The following HMCN1 variants were observed in gnomAD, a reference collection of about 807,000 sequenced individuals.
HMCN1 encodes the protein hemicentin 1, also known as hemicentin-1.
In HMCN1, 321 loss-of-function variants were observed where a neutral mutation model predicts 625.9. That is an observed-to-expected ratio of 0.51 (90% CI 0.47 to 0.56). HMCN1 has a LOEUF of 0.56. HMCN1 is among the 20% of genes least tolerant of loss of function. The pLI, the probability that HMCN1 is intolerant of heterozygous loss-of-function variation, is 0.00. For missense variants in HMCN1, 6,588 were observed against 6,887.3 expected, an observed-to-expected ratio of 0.96 and a Z score of 1.54; for synonymous variants, 2,425 against 2,417.6, an observed-to-expected ratio of 1.00 and a Z score of -0.09.
intron 14 of HMCN1, among the ~76,000 whole-genome samples, chr1:185,966,331 GA>G (rs1180115841): frequency 6.6e-6 from 1 of 152,098 alleles, no homozygotes; most frequent in African/African-American, 2.4e-5. Context: ...TTCAAATAAA[GA>G]TACACATTGA....
intron 105 of HMCN1, among the ~76,000 whole-genome samples, chr1:186,186,012 A>C (rs540292419): frequency 6.6e-6 from 1 of 152,210 alleles, no homozygotes; most frequent in South Asian, 2.1e-4. Context: ...GTTGCAAAGG[A>C]TGTGAATTAT....
chr1:186,161,190 C>G (rs1220978270), intron 97 of HMCN1, among the ~76,000 whole-genome samples: 1 of 149,740 alleles, frequency 6.7e-6, no homozygotes, highest in African/African-American at 2.4e-5. Flanking sequence ...TTCTTTGTCT[C>G]TTTTGATCTT....
chr1:185,893,303 A>G (rs923687020), intron 4 of HMCN1, among the ~76,000 whole-genome samples: 4 of 152,146 alleles, frequency 2.6e-5, no homozygotes, highest in African/African-American at 9.7e-5. Flanking sequence ...TGTAGACTGG[A>G]GCTGTTCCTA....
At chr1:186,182,612 G>A (rs1316000521) in intron 105 of HMCN1, among the ~76,000 whole-genome samples, 2 of 152,136 alleles carry the variant, frequency 1.3e-5, no homozygotes, top group Non-Finnish European at 2.9e-5. Context: ...AAATGGAAGT[G>A]AAAAATGAGA....
chr1:185,780,275 C>T (rs1269803996), intron 1 of HMCN1, among the ~76,000 whole-genome samples: 2 of 152,170 alleles, frequency 1.3e-5, no homozygotes, highest in Non-Finnish European at 2.9e-5. Flanking sequence ...TCTAAATATA[C>T]AATCATGTCA....
intron 1 of HMCN1, among the ~76,000 whole-genome samples, chr1:185,778,850 G>T (rs1306824756): frequency 6.6e-6 from 1 of 152,038 alleles, no homozygotes; most frequent in Non-Finnish European, 1.5e-5. Context: ...TAGTCCTTTG[G>T]GTATATACCC....
chr1:185,735,176 T>A, intron 1 of HMCN1, 129 bp downstream of exon 1: 1 of 1,054,106 alleles, frequency 9.5e-7, no homozygotes, highest in Non-Finnish European at 1.4e-6. Context: ...AAAATAGTTG[T>A]AACAAAGAAT....
Position 185,963,766 on chromosome 1 carries a change from A to G in HMCN1, c.1971-2A>G. Reference sequence around the variant, plus strand: ...TATATTCTTTTTGTTTTTTATTCATAGGTATAGGATGACCTCAGATGGTAC... The same window carrying G: ...TATATTCTTTTTGTTTTTTATTCATGGGTATAGGATGACCTCAGATGGTAC... On this transcript the variant is annotated splice_acceptor_variant, in intron 12 of 106. Transcript: ENST00000271588. LOFTEE classifies it high-confidence loss of function. 1 of 1,592,320 alleles carries G rather than the reference A, an allele frequency of 6.3e-7. No homozygotes were observed. The highest frequency in any genetic ancestry group is 8.6e-7 in the Non-Finnish European group (1 of 1,160,684).
chr1:186,163,612 C>G (rs1030409877), intron 97 of HMCN1, among the ~76,000 whole-genome samples: 1 of 152,154 alleles, frequency 6.6e-6, no homozygotes, highest in African/African-American at 2.4e-5. Flanking sequence ...AATCAGCCAC[C>G]AATTTATATG....
intron 98 of HMCN1, among the ~76,000 whole-genome samples, chr1:186,165,978 C>A (rs1651854074): frequency 6.6e-6 from 1 of 152,192 alleles, no homozygotes; most frequent in Non-Finnish European, 1.5e-5. Flanking sequence ...AGGATATAAT[C>A]TAACCATCTA....
At position 186,039,699 on chromosome 1, in the gene HMCN1, C is replaced by T. The variant is rs112325900; in HGVS notation, c.6029-29C>T. ...GAGATCACAAATCCTGTGATATTAA[C>T]GTGTCTTACTTTCATTTGTTTTTTT... On this transcript the variant is annotated intron_variant, in intron 38 of 106. Coordinates refer to ENST00000271588, the MANE Select transcript of HMCN1 (RefSeq NM_031935.3). 1.2e-4 allele frequency: 188 copies of T among 1,607,940 alleles called. 1 individual carries two copies. Among genetic ancestry groups the T allele is most frequent in the East Asian group, 4.7e-4 (21 of 44,772 alleles).
chr1:186,139,203 A>T (rs967973466), intron 89 of HMCN1, among the ~76,000 whole-genome samples: 3 of 152,220 alleles, frequency 2.0e-5, no homozygotes, highest in Non-Finnish European at 4.4e-5. Context: ...GACAGCTAAT[A>T]AAAAATGAAT....
chr1:185,877,294 T>C, intron 4 of HMCN1, among the ~76,000 whole-genome samples: 1 of 147,948 alleles, frequency 6.8e-6, no homozygotes, highest in South Asian at 2.2e-4. Flanking sequence ...GGATTCTCCA[T>C]TCTATTTCAT....
chr1:185,988,810 G>A (rs1017354216), intron 20 of HMCN1, among the ~76,000 whole-genome samples: 2 of 152,100 alleles, frequency 1.3e-5, no homozygotes, highest in African/African-American at 4.8e-5. Context: ...ACTGCAAAAT[G>A]AGGGTTGTGG....
intron 47 of HMCN1, among the ~76,000 whole-genome samples, 195 bp from the exon 48 acceptor site, chr1:186,062,319 C>T (rs1335141596): frequency 6.6e-6 from 1 of 152,010 alleles, no homozygotes; most frequent in East Asian, 1.9e-4. Flanking sequence ...CAATAAAATT[C>T]ATTATAATTG....
Position 186,067,831 on chromosome 1 carries a change from C to T in HMCN1, c.7706-3C>T. On this transcript the variant is annotated splice_polypyrimidine_tract_variant and splice_region_variant and intron_variant, in intron 49 of 106. Transcript: ENST00000271588. ...TTCTTCAACAAATTTTCATCTTTTTCAGTATCTCCTACAATTGCTGGTGTA... is the reference window on the plus strand; with the variant it reads ...TTCTTCAACAAATTTTCATCTTTTTTAGTATCTCCTACAATTGCTGGTGTA... 6.2e-7 allele frequency: 1 copy of T among 1,603,588 alleles called. No homozygotes were observed. The highest frequency in any genetic ancestry group is 8.5e-7 in the Non-Finnish European group (1 of 1,170,734).
chr1:185,837,005 GGTGTGT>G (rs60299246), intron 1 of HMCN1, among the ~76,000 whole-genome samples: 3 of 142,932 alleles, frequency 2.1e-5, no homozygotes, highest in South Asian at 2.3e-4. Context: ...TATATTCCAT[GGTGTGT>G]GTGTGTGTGT....
intron 1 of HMCN1, among the ~76,000 whole-genome samples, chr1:185,838,585 G>T (rs778236139): frequency 1.3e-5 from 2 of 152,158 alleles, no homozygotes; most frequent in Non-Finnish European, 2.9e-5. Flanking sequence ...GGTGGTGGGA[G>T]GTGGGAACAT....
chr1:185,858,195 A>G (rs1327708484), intron 2 of HMCN1, among the ~76,000 whole-genome samples: 1 of 152,186 alleles, frequency 6.6e-6, no homozygotes, highest in African/African-American at 2.4e-5. Context: ...GTTTGTGACA[A>G]TACTCTCTCA....
Sources: gnomAD v4.1 joint callset for allele counts (sites outside exome capture counted in the v4.1 genomes callset) on GRCh38, gnomAD v4.1.1 for gene constraint, MANE v1.5 for transcripts, NCBI Gene and HGNC (gene_info 2026-07-23, HGNC 2026-07-21) for gene names.